Variants in GIMAP5 observed in about 807,000 individuals in gnomAD.
GIMAP5 encodes the protein GTPase IMAP family member 5.
Under a neutral mutation model 9.9 loss-of-function variants are expected in GIMAP5, and 8 were observed. The ratio of observed to expected loss-of-function variants is 0.81; its 90% CI spans 0.47 to 1.45. The LOEUF (loss-of-function observed/expected upper bound fraction) is 1.45. Ranked by LOEUF, GIMAP5 falls within the 40% of genes most tolerant of loss-of-function variation. GIMAP5 has a pLI of 0.00. For synonymous variants in GIMAP5, 174 were observed against 151.4 expected (o/e 1.15, Z -1.09); for missense variants, 353 against 367.4 (o/e 0.96, Z 0.32).
intron 1 of GIMAP5, chr7:150,738,600 C>T (rs543607200): frequency 6.6e-6 from 1 of 152,372 alleles, no homozygotes; most frequent in African/African-American, 2.4e-5. Flanking sequence ...TTCCCTGAGC[C>T]AGACCCTCCC....
chr7:150,743,178 G>A lies in GIMAP5; in HGVS notation c.*115G>A. 1.5e-6 allele frequency: 2 copies of A among 1,328,282 alleles called. No individual in the cohort carries two copies. Among genetic ancestry groups the A allele is most frequent in the South Asian group, 2.9e-5 (2 of 67,798 alleles). The allele number at this position is 1,328,282 out of a possible 1,614,324, so 82.3% of individuals were successfully genotyped here. ...ATGGAGCATGCTGCTTGCTGTCTGT[G>A]CAGCTCCCATTTCCCCTTCTTCCTG... On this transcript the variant is annotated 3_prime_UTR_variant, in exon 3 of 3. Transcript: ENST00000358647.
chr7:150,737,599 G>A lies in GIMAP5; in HGVS notation c.-116G>A. 6.5e-7 allele frequency: 1 copy of A among 1,535,690 alleles called. No homozygotes were observed. Among genetic ancestry groups the A allele is most frequent in the Non-Finnish European group, 8.7e-7 (1 of 1,146,892 alleles). Reference sequence around the variant, plus strand: ...CCTGTGAACAGCATCCCCGCACACAGACGCAGAGCAGGACTCTCTCTGCTG... The same window carrying A: ...CCTGTGAACAGCATCCCCGCACACAAACGCAGAGCAGGACTCTCTCTGCTG... On this transcript the variant is annotated 5_prime_UTR_variant, in exon 1 of 3. Transcript: ENST00000358647.
At chr7:150,737,966 A>G (rs1449046078) in intron 1 of GIMAP5, 9 of 538,364 alleles carry the variant, frequency 1.7e-5, no homozygotes, top group Non-Finnish European at 3.0e-5. Context: ...ATTGCCCATT[A>G]CTTAGCCAAG....
At chr7:150,739,099 T>C (rs1389925092) in intron 1 of GIMAP5, 1 of 152,254 alleles carries the variant, frequency 6.6e-6, no homozygotes, top group Non-Finnish European at 1.5e-5. Context: ...TATTTTTGAA[T>C]AACCTTTTAT....
intron 2 of GIMAP5, 47 bp from the exon 3 acceptor site, chr7:150,742,136 C>T: frequency 1.9e-6 from 3 of 1,580,574 alleles, no homozygotes; most frequent in South Asian, 1.2e-5. Flanking sequence ...ACCTAACAGT[C>T]TTAAGAATCA....
In GIMAP5 at chr7:150,737,686, A is replaced by G. The variant is rs1563372423; in HGVS notation, c.-29A>G. 3.3e-6 allele frequency: 5 copies of G among 1,535,652 alleles called. No homozygotes were observed. Among genetic ancestry groups the G allele is most frequent in the Non-Finnish European group, 4.4e-6 (5 of 1,146,854 alleles). ...GCCTCAGTGACTGCCACCCTGGAGG[A>G]CAGGGCACAACAACCGTTTCTGGTA... On this transcript the variant is annotated 5_prime_UTR_variant, in exon 1 of 3. Coordinates refer to ENST00000358647, the MANE Select transcript of GIMAP5 (RefSeq NM_018384.5).
intron 1 of GIMAP5, chr7:150,739,797 T>C (rs943112153): frequency 2.6e-5 from 4 of 152,036 alleles, no homozygotes; most frequent in Admixed American, 6.6e-5. Flanking sequence ...TAATACATTC[T>C]GATAATATAA....
intron 1 of GIMAP5, chr7:150,740,671 A>AT (rs1797581115): frequency 5.7e-6 from 3 of 525,364 alleles, no homozygotes; most frequent in Non-Finnish European, 1.0e-5. Context: ...ATCGTGCACT[A>AT]TTTTAGCATA....
chr7:150,741,768 T>G (rs1446934499), intron 2 of GIMAP5, among the ~76,000 whole-genome samples: 6 of 152,218 alleles, frequency 3.9e-5, no homozygotes. Context: ...TATACAAGTG[T>G]GCCTGGAAAT....
chr7:150,742,180 C>T lies in GIMAP5; in HGVS notation c.44-3C>T, dbSNP rs1585234785. On this transcript the variant is annotated splice_polypyrimidine_tract_variant and splice_region_variant and intron_variant, in intron 2 of 2. Coordinates refer to ENST00000358647, the MANE Select transcript of GIMAP5 (RefSeq NM_018384.5). The stretch of plus-strand genomic sequence containing the variant: ...GTAAGATACAAAACTTCGTTTTCTA[C>T]AGGTAGATCAGAAGATAACTTGTCT... The T allele has an allele frequency of 6.2e-7, 1 of 1,610,842 alleles. No homozygotes were observed. Among genetic ancestry groups the T allele is most frequent in the East Asian group, 2.2e-5 (1 of 44,820 alleles).
chr7:150,739,094 T>C (rs1797558285), intron 1 of GIMAP5: 2 of 152,214 alleles, frequency 1.3e-5, no homozygotes, highest in African/African-American at 2.4e-5. Flanking sequence ...AATTTTATTT[T>C]TGAATAACCT....
chr7:150,741,064 C>G, intron 2 of GIMAP5, 137 bp downstream of exon 2: 1 of 791,112 alleles, frequency 1.3e-6, no homozygotes, highest in Non-Finnish European at 2.1e-6. Context: ...ACTATCATCA[C>G]GTGTGTGTTA....
In GIMAP5 at chr7:150,743,142, C is replaced by A; in HGVS notation, c.*79C>A. On this transcript the variant is annotated 3_prime_UTR_variant, in exon 3 of 3. Transcript: ENST00000358647. ...AATAATCACCAATTCAGACTCAGAT[C>A]CTCGTGGTCTATGGAGCATGCTGCT... is the stretch of plus-strand genomic sequence containing the variant. 1 of 1,510,468 alleles carries A rather than the reference C, an allele frequency of 6.6e-7. No individual in the cohort carries two copies. The allele number at this position is 1,510,468 out of a possible 1,614,324, so 93.6% of individuals were successfully genotyped here.
In GIMAP5 at chr7:150,741,236, C is replaced by CAA. The variant is rs67250498; in HGVS notation, c.43+313_43+314dup. 5.3e-3 allele frequency among the ~76,000 whole-genome samples: 802 copies of CAA among 150,668 alleles called. 9 individuals are homozygous for CAA. The highest frequency in any genetic ancestry group is 0.018 in the African/African-American group (725 of 40,832). On this transcript the variant is annotated intron_variant, in intron 2 of 2. Transcript: ENST00000358647. ...TCTCTTTCTTTGTCTGCTGACAGCT[C>CAA]AAAAAGAAAAGGTCCCCATAGGGAT...
Position 150,740,871 on chromosome 7 carries a change from T to C in GIMAP5, c.-6-8T>C. The C allele has an allele frequency of 6.2e-7, 1 of 1,614,096 alleles. No individual in the cohort carries two copies. Among genetic ancestry groups the C allele is most frequent in the Non-Finnish European group, 8.5e-7 (1 of 1,179,970 alleles). The stretch of plus-strand genomic sequence containing the variant: ...CTGCTTTTTATCCTTTTCCTGTTTT[T>C]ATTCCAGGAGAGAATGGGAGGATTC... On this transcript the variant is annotated splice_region_variant and splice_polypyrimidine_tract_variant and intron_variant, in intron 1 of 2. Transcript: ENST00000358647.
At chr7:150,738,278 C>T (rs1042947445) in intron 1 of GIMAP5, 1 of 152,902 alleles carries the variant, frequency 6.5e-6, no homozygotes, top group African/African-American at 2.4e-5. Context: ...TGGACCTTGT[C>T]TTGTGACTTT....
At chr7:150,741,708 G>T (rs111240942) in intron 2 of GIMAP5, among the ~76,000 whole-genome samples, 3,126 of 152,330 alleles carry the variant, frequency 0.021, 108 homozygotes, top group African/African-American at 0.071. Flanking sequence ...AGATTTGCCA[G>T]TGGAGACCTC....
rs1384574044 is a variant in GIMAP5, at chr7:150,742,246, C to G, written c.107C>G (p.Thr36Arg). The part of the protein sequence containing the change: ...PALRIILVGK[T>R]GCGKSATGNS... The stretch of plus-strand genomic sequence containing the variant: ...TTGAGGATTATCCTAGTGGGCAAAA[C>G]AGGCTGCGGGAAAAGTGCCACAGGG... Residue 36 changes from threonine (T) to arginine (R), a missense_variant, in exon 3 of 3, where the codon ACA becomes AGA. Coordinates refer to ENST00000358647, the MANE Select transcript of GIMAP5 (RefSeq NM_018384.5). 6.8e-6 allele frequency: 11 copies of G among 1,614,090 alleles called. No individual in the cohort carries two copies. Among genetic ancestry groups the G allele is most frequent in the Non-Finnish European group, 9.3e-6 (11 of 1,180,038 alleles).
chr7:150,742,517 G>A lies in GIMAP5; in HGVS notation c.378G>A (p.Gln126=), dbSNP rs749055048. The change falls in exon 3 of 3, where the codon CAG becomes CAA. Residue 126 remains glutamine (Q), a synonymous_variant. Transcript: ENST00000358647. ...TCCAGCTGGGGCGTTTCACTGCTCAGGACACAGTGGCCATCAGGAAGGTGA... is the reference window on the plus strand; with the variant it reads ...TCCAGCTGGGGCGTTTCACTGCTCAAGACACAGTGGCCATCAGGAAGGTGA... ...LVIQLGRFTA[Q]DTVAIRKVKE... is the part of the protein sequence containing the mutation. 1 of 1,614,196 alleles carries A rather than the reference G, an allele frequency of 6.2e-7. No individual in the cohort carries two copies. The highest frequency in any genetic ancestry group is 8.5e-7 in the Non-Finnish European group (1 of 1,180,034).
Sources: gnomAD v4.1 joint callset for allele counts (sites outside exome capture counted in the v4.1 genomes callset) on GRCh38, gnomAD v4.1.1 for gene constraint, MANE v1.5 for transcripts, NCBI Gene and HGNC (gene_info 2026-07-23, HGNC 2026-07-21) for gene names.